Variants in SLIT1 observed in about 807,000 individuals in gnomAD.
SLIT1 encodes slit guidance ligand 1.
Under a neutral mutation model 186.1 loss-of-function variants are expected in SLIT1, and 66 were observed. That is an observed-to-expected ratio of 0.35 (90% CI 0.29 to 0.44). The LOEUF (loss-of-function observed/expected upper bound fraction) is 0.44. SLIT1 is among the 20% of genes least tolerant of loss of function. The probability of loss-of-function intolerance (pLI) is 1.00; values close to 1 mark genes in which losing one functional copy is unlikely to be tolerated. For missense variants in SLIT1, 1,638 were observed against 2,037.4 expected, an observed-to-expected ratio of 0.80 and a Z score of 3.77; for synonymous variants, 761 against 833.8, an observed-to-expected ratio of 0.91 and a Z score of 1.50.
Position 97,045,559 on chromosome 10 carries a change from C to T in SLIT1, c.1853+1095G>A, listed in dbSNP as rs182265413. On this transcript the variant is annotated intron_variant, in intron 18 of 36. Coordinates refer to ENST00000266058, the MANE Select transcript of SLIT1 (RefSeq NM_003061.3). ...ATGGGGTATGGGCCCTTCTCTTTTC[C>T]TCTGTCCTTATCTAAGTCTTCCTTG... Among the ~76,000 whole-genome samples, 216 of 152,236 alleles carry T rather than the reference C, an allele frequency of 1.4e-3. 1 individual carries two copies. Among genetic ancestry groups the T allele is most frequent in the African/African-American group, 4.5e-3 (188 of 41,522 alleles).
At chr10:97,146,697 G>A (rs1371990319) in intron 4 of SLIT1, among the ~76,000 whole-genome samples, 3 of 152,190 alleles carry the variant, frequency 2.0e-5, no homozygotes, top group Non-Finnish European at 4.4e-5. Flanking sequence ...CAGCTGGAAA[G>A]TTCTGAGTCT....
chr10:97,031,434 G>T (rs1444822799), intron 24 of SLIT1, among the ~76,000 whole-genome samples, 172 bp downstream of exon 24: 11 of 152,166 alleles, frequency 7.2e-5, no homozygotes, highest in Non-Finnish European at 1.3e-4. Context: ...TCCCATGCAC[G>T]CCCCAGCTTC....
rs1848293856 is a variant in SLIT1, at chr10:97,000,468, C to T, written c.*644G>A. Reference sequence around the variant, plus strand: ...GATTCAGAGGCCTGGTCCTAAGAACCACCTCCACCCACAGCCTCGTTCCCA... The same window carrying T: ...GATTCAGAGGCCTGGTCCTAAGAACTACCTCCACCCACAGCCTCGTTCCCA... On this transcript the variant is annotated 3_prime_UTR_variant, in exon 37 of 37. Coordinates refer to ENST00000266058, the MANE Select transcript of SLIT1 (RefSeq NM_003061.3). The T allele has an allele frequency of 6.6e-6, 1 of 152,464 alleles. No individual in the cohort carries two copies. Among genetic ancestry groups the T allele is most frequent in the South Asian group, 2.1e-4 (1 of 4,842 alleles). 9.4% of individuals were successfully genotyped at this position (152,464 alleles called of 1,614,324 possible).
At chr10:97,164,984 G>T in intron 1 of SLIT1, 94 bp from the exon 2 acceptor site, 1 of 922,130 alleles carries the variant, frequency 1.1e-6, no homozygotes. Context: ...GCCTGGATCA[G>T]CCAGTCGTCT....
At position 97,068,193 on chromosome 10, in the gene SLIT1, G is replaced by A. The variant is rs1848968640; in HGVS notation, c.414-2107C>T. 6.6e-6 allele frequency among the ~76,000 whole-genome samples: 1 copy of A among 152,110 alleles called. No individual in the cohort carries two copies. On this transcript the variant is annotated intron_variant, in intron 4 of 36. Transcript: ENST00000266058. This position sits in a 1 kb window ranked among gnomAD's most constrained non-coding sequence, Gnocchi z 4.2. Reference sequence around the variant, plus strand: ...GGAGAGATGCACCCTGTCCTGGAGGGAGCTCAGTCCCCAGCTACCTCCCCT... The same window carrying A: ...GGAGAGATGCACCCTGTCCTGGAGGAAGCTCAGTCCCCAGCTACCTCCCCT...
chr10:97,043,507 C>T lies in SLIT1; in HGVS notation c.1860G>A (p.Leu620=), dbSNP rs1290187820. The T allele has an allele frequency of 6.2e-7, 1 of 1,613,036 alleles. No individual in the cohort carries two copies. Among genetic ancestry groups the T allele is most frequent in the Non-Finnish European group, 8.5e-7 (1 of 1,179,760 alleles). ...GGATGCAGCTGATGCGGTTGTTCCG[C>T]AGCATTCTGGGGAGGAACGGGGGAG... The part of the protein sequence containing the change: ...RGLDGLRTLM[L]RNNRISCIHN... Residue 620 remains leucine, a synonymous_variant, in exon 19 of 37, where the codon CTG becomes CTA. Transcript: ENST00000266058. The surrounding 1 kb of genome is among the most constrained non-coding windows in gnomAD (Gnocchi z 7.0).
intron 16 of SLIT1, 67 bp downstream of exon 16, chr10:97,047,623 G>C (rs1848745093): frequency 6.7e-7 from 1 of 1,495,720 alleles, no homozygotes; most frequent in African/African-American, 1.4e-5. Context: ...GAAAATCCTG[G>C]AGTAGGCCAA....
At chr10:97,027,784 A>C (rs902054980) in intron 25 of SLIT1, among the ~76,000 whole-genome samples, 1 of 152,150 alleles carries the variant, frequency 6.6e-6, no homozygotes, top group African/African-American at 2.4e-5. Context: ...CATTTGAAAA[A>C]CAAAACCTCT....
chr10:97,007,504 A>G (rs148449064), intron 31 of SLIT1, among the ~76,000 whole-genome samples: 1 of 152,222 alleles, frequency 6.6e-6, no homozygotes, highest in African/African-American at 2.4e-5. Context: ...ACAAAAAACT[A>G]CAGACCAATA....
intron 8 of SLIT1, among the ~76,000 whole-genome samples, chr10:97,062,807 C>G (rs1284482995): frequency 6.6e-6 from 1 of 152,232 alleles, no homozygotes; most frequent in East Asian, 1.9e-4. Context: ...GGTGAGTACA[C>G]GAGCAGTGAC....
At position 97,013,851 on chromosome 10, in the gene SLIT1, C is replaced by T; in HGVS notation, c.3110-17G>A. On this transcript the variant is annotated splice_polypyrimidine_tract_variant and intron_variant, in intron 29 of 36. Transcript: ENST00000266058. ...AGGCCTTTCCTGGGGAAAGAACGAG[C>T]AAGGGGCAGGAGAGAAGCTGCTCTC... The T allele has an allele frequency of 6.5e-7, 1 of 1,550,154 alleles. No individual in the cohort carries two copies.
chr10:97,066,892 T>C (rs1339839389), intron 4 of SLIT1, among the ~76,000 whole-genome samples: 1 of 151,904 alleles, frequency 6.6e-6, no homozygotes, highest in Non-Finnish European at 1.5e-5. Flanking sequence ...CAGAGGTGCT[T>C]CTGGAGGGGG....
Position 97,006,467 on chromosome 10 carries a change from G to A in SLIT1, c.3579+16C>T. On this transcript the variant is annotated intron_variant, in intron 32 of 36. Transcript: ENST00000266058. The surrounding 1 kb of genome is among the most constrained non-coding windows in gnomAD (Gnocchi z 4.0). ...CTCCCTGACTCCCCTCTGTGACCAA[G>A]CCCCCTGGCACGCACCTGCAACGTG... The A allele has an allele frequency of 1.0e-5, 16 of 1,591,992 alleles. No homozygotes were observed. The highest frequency in any genetic ancestry group is 1.4e-5 in the Non-Finnish European group (16 of 1,160,338).
chr10:97,086,011 A>G (rs1849155577), intron 4 of SLIT1, among the ~76,000 whole-genome samples: 1 of 152,238 alleles, frequency 6.6e-6, no homozygotes, highest in South Asian at 2.1e-4. Context: ...TGGTGAGGAT[A>G]TGAAATGGTA....
intron 4 of SLIT1, among the ~76,000 whole-genome samples, chr10:97,089,607 G>A (rs763538757): frequency 6.6e-6 from 1 of 152,232 alleles, no homozygotes; most frequent in Non-Finnish European, 1.5e-5. Flanking sequence ...AATTCTGGCC[G>A]CTGCAGCCCT....
chr10:97,061,973 T>C (rs2134638081), intron 8 of SLIT1, among the ~76,000 whole-genome samples: 1 of 152,318 alleles, frequency 6.6e-6, no homozygotes, highest in African/African-American at 2.4e-5. Flanking sequence ...ATTGTGACAG[T>C]GGCCTTCAAA....
At chr10:97,137,380 C>A (rs912116031) in intron 4 of SLIT1, among the ~76,000 whole-genome samples, 2 of 152,122 alleles carry the variant, frequency 1.3e-5, no homozygotes, top group South Asian at 2.1e-4. Context: ...AATCAGAAAA[C>A]CACATCTGGA....
intron 1 of SLIT1, among the ~76,000 whole-genome samples, chr10:97,168,131 C>A (rs781686689): frequency 7.9e-5 from 12 of 152,080 alleles, no homozygotes; most frequent in Non-Finnish European, 1.3e-4. Context: ...CTCAAGGTGA[C>A]CTTAGTTTCT....
At chr10:97,030,864 G>T in intron 24 of SLIT1, 36 bp from the exon 25 acceptor site, 2 of 1,572,812 alleles carry the variant, frequency 1.3e-6, no homozygotes, top group Non-Finnish European at 1.7e-6. Context: ...CCTTATCCAG[G>T]GACAGAGATG....
Sources: allele counts gnomAD v4.1 joint callset (sites outside exome capture counted in the v4.1 genomes callset), GRCh38; gene constraint gnomAD v4.1.1; non-coding constraint Gnocchi (gnomAD v3.1); transcripts MANE v1.5; gene names NCBI Gene and HGNC (gene_info 2026-07-23, HGNC 2026-07-21).